The following TNRC18 variants were observed in gnomAD, a reference collection of about 807,000 sequenced individuals.
The protein encoded by TNRC18 is trinucleotide repeat-containing gene 18 protein.
TNRC18 carries 69 observed loss-of-function variants against 226.7 expected under a neutral mutation model. The observed-to-expected ratio is 0.30, with a 90% CI of 0.25 to 0.37. The LOEUF is 0.37. Ranked by LOEUF, TNRC18 falls within the 10% of genes least tolerant of loss-of-function variation. TNRC18 has a pLI of 1.00. For synonymous variants in TNRC18, 2,449 were observed against 1,927.6 expected, an observed-to-expected ratio of 1.27 and a Z score of -7.09; for missense variants, 4,754 against 4,256.6, an observed-to-expected ratio of 1.12 and a Z score of -3.25.
intron 2 of TNRC18, among the ~76,000 whole-genome samples, chr7:5,408,361 C>T (rs574300202): frequency 1.3e-5 from 2 of 151,484 alleles, no homozygotes; most frequent in South Asian, 2.1e-4. Flanking sequence ...GAGGAAACAT[C>T]CCCCTGGCCA....
chr7:5,384,740 G>A (rs1164804692), intron 5 of TNRC18, among the ~76,000 whole-genome samples: 1 of 152,082 alleles, frequency 6.6e-6, no homozygotes, highest in Non-Finnish European at 1.5e-5. Flanking sequence ...TCACCAAGCT[G>A]GCCACCTCCA....
chr7:5,396,089 T>G (rs1780665511), intron 2 of TNRC18, among the ~76,000 whole-genome samples: 1 of 147,126 alleles, frequency 6.8e-6, no homozygotes. Flanking sequence ...GAGAATCACT[T>G]GAAGCCCGGA....
Position 5,320,465 on chromosome 7 carries a change from T to A in TNRC18, c.6637-39A>T, listed in dbSNP as rs1244624838. Reference sequence around the variant, plus strand: ...GGATGAGTGCAAGGTGTGGACACAGTTATGGCCATGGCCTTGGACACCCAG... The same window carrying A: ...GGATGAGTGCAAGGTGTGGACACAGATATGGCCATGGCCTTGGACACCCAG... On this transcript the variant is annotated intron_variant, in intron 23 of 29. Coordinates refer to ENST00000430969, the MANE Select transcript of TNRC18 (RefSeq NM_001080495.3). 6 of 1,565,452 alleles carry A rather than the reference T, an allele frequency of 3.8e-6. No homozygotes were observed. The Middle Eastern group carries it at 7.1e-4, about 186-fold the overall frequency.
chr7:5,416,783 G>A (rs768025990), intron 2 of TNRC18, among the ~76,000 whole-genome samples: 2 of 151,938 alleles, frequency 1.3e-5, no homozygotes, highest in African/African-American at 2.4e-5. Flanking sequence ...CCTGAGCCCA[G>A]GAGTTCGAGA....
At chr7:5,354,747 C>A (rs1011638629) in intron 16 of TNRC18, among the ~76,000 whole-genome samples, 2 of 152,148 alleles carry the variant, frequency 1.3e-5, no homozygotes, top group African/African-American at 2.4e-5. Flanking sequence ...GAAACACACG[C>A]ACCCTGAAAA....
chr7:5,384,133 A>G (rs940687582), intron 5 of TNRC18, among the ~76,000 whole-genome samples: 1 of 151,860 alleles, frequency 6.6e-6, no homozygotes. Flanking sequence ...CTTGGCTAAT[A>G]TTGTATTTTT....
chr7:5,382,570 G>A (rs886868912), intron 5 of TNRC18, among the ~76,000 whole-genome samples: 1 of 152,090 alleles, frequency 6.6e-6, no homozygotes, highest in Admixed American at 6.6e-5. Flanking sequence ...TGACTGGATA[G>A]AGGCCCCAGC....
At chr7:5,314,962 C>A (rs1787695360) in intron 26 of TNRC18, 22 bp downstream of exon 26, 1 of 1,597,908 alleles carries the variant, frequency 6.3e-7, no homozygotes, top group African/African-American at 1.3e-5. Context: ...ACCGCCCTGC[C>A]CTGGGGACCA....
intron 17 of TNRC18, among the ~76,000 whole-genome samples, chr7:5,348,348 A>C (rs754845176): frequency 3.3e-5 from 5 of 152,146 alleles, no homozygotes; most frequent in Admixed American, 3.3e-4. Context: ...GCAGGGCTGG[A>C]AGGTGGCCCC....
intron 18 of TNRC18, among the ~76,000 whole-genome samples, chr7:5,338,107 C>A (rs1208495044): frequency 6.6e-6 from 1 of 151,986 alleles, no homozygotes; most frequent in Non-Finnish European, 1.5e-5. Flanking sequence ...TGCAAGATTT[C>A]TGTATTTTAT....
Position 5,345,696 on chromosome 7 carries a change from T to G in TNRC18, c.5585A>C (p.Glu1862Ala). The change falls in exon 18 of 30, where the codon GAG becomes GCG. Residue 1862 changes from glutamate (E) to alanine (A), a missense_variant. By Grantham distance (107) the Glu-to-Ala change is moderately radical (BLOSUM62 -1). Coordinates refer to ENST00000430969, the MANE Select transcript of TNRC18 (RefSeq NM_001080495.3). ...RERALSPGLEESGLGLLARFA... is the reference protein window; with the variant it reads ...RERALSPGLEASGLGLLARFA... ...GCGTGCCAGCAGGCCCAGCCCACTC[T>G]CCTCCAGGCCCGGTGACAGGGCCCG... The G allele has an allele frequency of 6.5e-7, 1 of 1,549,304 alleles. No individual in the cohort carries two copies. Among genetic ancestry groups the G allele is most frequent in the Non-Finnish European group, 8.7e-7 (1 of 1,146,850 alleles).
intron 14 of TNRC18, among the ~76,000 whole-genome samples, chr7:5,359,796 T>C (rs1792840354): frequency 6.6e-6 from 1 of 151,574 alleles, no homozygotes; most frequent in South Asian, 2.1e-4. Flanking sequence ...GAAGAAAGCA[T>C]TTTCTTTCTT....
At chr7:5,379,756 G>A (rs896378103) in intron 5 of TNRC18, among the ~76,000 whole-genome samples, 1 of 152,250 alleles carries the variant, frequency 6.6e-6, no homozygotes, top group East Asian at 1.9e-4. Flanking sequence ...GAGGCTACCA[G>A]GTGTGCAGCT....
intron 24 of TNRC18, among the ~76,000 whole-genome samples, chr7:5,318,477 G>T (rs1735915906): frequency 6.6e-6 from 1 of 152,144 alleles, no homozygotes. Flanking sequence ...ACTAGCCCAA[G>T]TTCCAGGGAA....
In TNRC18 at chr7:5,307,804, C is replaced by G; in HGVS notation, c.*302G>C. The G allele has an allele frequency of 2.2e-6, 1 of 453,662 alleles. No individual in the cohort carries two copies. Among genetic ancestry groups the G allele is most frequent in the Non-Finnish European group, 4.1e-6 (1 of 243,650 alleles). The allele number at this position is 453,662 out of a possible 1,614,324, so 28.1% of individuals were successfully genotyped here. A position where few individuals can be genotyped will look rare whatever the true frequency, so the allele number is the denominator to read the frequency against. ...CAGCAGCCTGGAGGGCCGGCCTGGC[C>G]AAGTGCTTGCAACGTGCTGGGCAGG... On this transcript the variant is annotated 3_prime_UTR_variant, in exon 30 of 30. Transcript: ENST00000430969.
chr7:5,374,520 C>G, intron 9 of TNRC18, 36 bp from the exon 10 acceptor site: 5 of 1,524,868 alleles, frequency 3.3e-6, no homozygotes, highest in Non-Finnish European at 4.4e-6. Context: ...CAGCACGGCA[C>G]GAGTTTCCCC....
chr7:5,325,062 C>T (rs1788755501), intron 20 of TNRC18, 34 bp downstream of exon 20: 18 of 1,548,110 alleles, frequency 1.2e-5, no homozygotes, highest in Non-Finnish European at 1.6e-5. Context: ...GCTGAGCCCC[C>T]CACAGCCCCC....
chr7:5,388,013 G>C lies in TNRC18; in HGVS notation c.1811C>G (p.Pro604Arg). ...GGGGCTCTTCTTGCCACAGCCACCA[G>C]GGCGCACGGCCACGGCGTCCCGGGC... ...SFARDAVAVR[P>R]GGCGKKSPFG... Residue 604 changes from proline (P) to arginine (R), a missense_variant, in exon 5 of 30, where the codon CCT (proline) becomes CGT (arginine). Pro to Arg is a moderately radical substitution (Grantham distance 103). Coordinates refer to ENST00000430969, the MANE Select transcript of TNRC18 (RefSeq NM_001080495.3). 1.9e-6 allele frequency: 3 copies of C among 1,579,776 alleles called. No individual in the cohort carries two copies. Among genetic ancestry groups the C allele is most frequent in the Non-Finnish European group, 2.6e-6 (3 of 1,164,000 alleles).
chr7:5,337,558 G>C (rs921592062), intron 18 of TNRC18, among the ~76,000 whole-genome samples: 6 of 151,398 alleles, frequency 4.0e-5, no homozygotes, highest in African/African-American at 4.8e-5. Flanking sequence ...AAGTTCTTTG[G>C]GCTGAAACTG....
Sources: allele counts gnomAD v4.1 joint callset (sites outside exome capture counted in the v4.1 genomes callset), GRCh38; gene constraint gnomAD v4.1.1; transcripts MANE v1.5; gene names NCBI Gene and HGNC (gene_info 2026-07-23, HGNC 2026-07-21).